The following ERBB2 variants were observed in gnomAD, a reference collection of about 807,000 sequenced individuals.
ERBB2 encodes the protein receptor tyrosine-protein kinase erbB-2.
In ERBB2, 61 loss-of-function variants were observed where a neutral mutation model predicts 149.0. The ratio of observed to expected loss-of-function variants is 0.41; its 90% CI spans 0.33 to 0.51. The LOEUF (loss-of-function observed/expected upper bound fraction) is 0.51. ERBB2 is among the 20% of genes least tolerant of loss of function. The pLI is 0.25. For synonymous variants in ERBB2, 633 were observed against 678.8 expected, an observed-to-expected ratio of 0.93 and a Z score of 1.05; for missense variants, 1,205 against 1,655.1, an observed-to-expected ratio of 0.73 and a Z score of 4.72.
chr17:39,696,141 G>A (rs1361566307), upstream of ERBB2, among the ~76,000 whole-genome samples: 2 of 152,208 alleles, frequency 1.3e-5, no homozygotes, highest in Admixed American at 1.3e-4. Context: ...GGACAGTTAA[G>A]GAGGAAATCG....
At chr17:39,707,191 C>T (rs763250146) in intron 2 of ERBB2, 50 bp downstream of exon 2, 2 of 1,473,384 alleles carry the variant, frequency 1.4e-6, no homozygotes, top group South Asian at 1.4e-5. Context: ...CTGGGCTGAG[C>T]CCTCTGTTTA....
At position 39,700,171 on chromosome 17, in the gene ERBB2, A is replaced by G. The variant is rs2057998556; in HGVS notation, c.-68A>G. 7.4e-7 allele frequency: 1 copy of G among 1,342,730 alleles called. No homozygotes were observed. The highest frequency in any genetic ancestry group is 9.5e-7 in the Non-Finnish European group (1 of 1,054,516). The allele number at this position is 1,342,730 out of a possible 1,614,324, so 83.2% of individuals were successfully genotyped here. A position where few individuals can be genotyped will look rare whatever the true frequency, so the allele number is the denominator to read the frequency against. On this transcript the variant is annotated 5_prime_UTR_variant, in exon 1 of 27. Transcript: ENST00000269571. ...GCGCCCGGCCCCCACCCCTCGCAGC[A>G]CCCCGCGCCCCGCGCCCTCCCAGCC...
In ERBB2 at chr17:39,712,340, T is replaced by C. The variant is rs746686273; in HGVS notation, c.1040T>C (p.Met347Thr). Residue 347 changes from methionine (M) to threonine (T), a missense_variant, in exon 9 of 27, where the codon ATG becomes ACG. Transcript: ENST00000269571. ...PCARVCYGLG[M>T]EHLREVRAVT... ...TCCTCAGTGTGCTATGGTCTGGGCA[T>C]GGAGCACTTGCGAGAGGTGAGGGCA... The C allele has an allele frequency of 1.3e-6, 2 of 1,551,718 alleles. No individual in the cohort carries two copies. The highest frequency in any genetic ancestry group is 1.1e-5 in the South Asian group (1 of 89,898).
At position 39,712,352 on chromosome 17, in the gene ERBB2, G is replaced by A. The variant is rs775972596; in HGVS notation, c.1052G>A (p.Arg351Gln). The A allele has an allele frequency of 7.4e-6, 12 of 1,613,828 alleles. No individual in the cohort carries two copies. The highest frequency in any genetic ancestry group is 2.2e-5 in the East Asian group (1 of 44,886). The change falls in exon 9 of 27, where the codon CGA (arginine) becomes CAA (glutamine). Residue 351 changes from arginine to glutamine, a missense_variant. Arg to Gln is a conservative substitution (Grantham distance 43). Coordinates refer to ENST00000269571, the MANE Select transcript of ERBB2 (RefSeq NM_004448.4). ...VCYGLGMEHL[R>Q]EVRAVTSANI... is the part of the protein sequence containing the mutation. ...TATGGTCTGGGCATGGAGCACTTGC[G>A]AGAGGTGAGGGCAGTTACCAGTGCC... is the stretch of plus-strand genomic sequence containing the variant.
At position 39,710,181 on chromosome 17, in the gene ERBB2, C is replaced by A. The variant is rs2145506126; in HGVS notation, c.739C>A (p.Pro247Thr). 6.2e-7 allele frequency: 1 copy of A among 1,612,886 alleles called. No homozygotes were observed. The highest frequency in any genetic ancestry group is 8.5e-7 in the Non-Finnish European group (1 of 1,179,660). Residue 247 changes from proline (P) to threonine (T), a missense_variant, in exon 6 of 27, where the codon CCC becomes ACC. Physicochemically the swap from Pro to Thr is conservative, Grantham distance 38. Around this residue, in one of 6 missense-constraint regions of ERBB2, gnomAD observed 569 missense variants for 803.5 expected, o/e 0.71. Coordinates refer to ENST00000269571, the MANE Select transcript of ERBB2 (RefSeq NM_004448.4). ...HEQCAAGCTG[P>T]KHSDCLACLH... ...GCAGTGTGCTGCCGGCTGCACGGGC[C>A]CCAAGCACTCTGACTGCCTGGTATG...
chr17:39,719,935 C>A, intron 16 of ERBB2, 101 bp downstream of exon 16: 2 of 1,084,408 alleles, frequency 1.8e-6, no homozygotes, highest in Non-Finnish European at 2.8e-6. Context: ...ACATATGTCC[C>A]TTCCCACCCA....
chr17:39,694,364 A>G (rs2057813632), upstream of ERBB2, among the ~76,000 whole-genome samples: 1 of 138,340 alleles, frequency 7.2e-6, no homozygotes. Context: ...AATAATAATA[A>G]AACATTTACT....
chr17:39,720,541 C>T (rs1164972537), intron 16 of ERBB2, among the ~76,000 whole-genome samples: 1 of 152,190 alleles, frequency 6.6e-6, no homozygotes, highest in Non-Finnish European at 1.5e-5. Context: ...GCATGTGTTA[C>T]AGGCTTGGTA....
At chr17:39,721,920 AT>A (rs2059474773) in intron 16 of ERBB2, among the ~76,000 whole-genome samples, 1 of 151,766 alleles carries the variant, frequency 6.6e-6, no homozygotes. Context: ...TTATTTATTT[AT>A]TTATTATTTA....
In ERBB2 at chr17:39,723,312, C is replaced by T. The variant is rs1281122418; in HGVS notation, c.1947-7C>T. ...CCTCAATCCCTGACCCTGGCTTCCGCCCCCAGCCCTCTGACGTCCATCATC... is the reference window on the plus strand; with the variant it reads ...CCTCAATCCCTGACCCTGGCTTCCGTCCCCAGCCCTCTGACGTCCATCATC... On this transcript the variant is annotated splice_region_variant and splice_polypyrimidine_tract_variant and intron_variant, in intron 16 of 26. Transcript: ENST00000269571. This position sits in a 1 kb window ranked among gnomAD's most constrained non-coding sequence, Gnocchi z 6.2. The T allele has an allele frequency of 1.9e-6, 3 of 1,613,558 alleles. No homozygotes were observed. Among genetic ancestry groups the T allele is most frequent in the Non-Finnish European group, 2.5e-6 (3 of 1,179,670 alleles).
chr17:39,727,354 T>C lies in ERBB2; in HGVS notation c.3219T>C (p.Ser1073=). The change falls in exon 26 of 27, where the codon TCT becomes TCC. Residue 1073 remains serine, a synonymous_variant. Transcript: ENST00000269571. This position sits in a 1 kb window ranked among gnomAD's most constrained non-coding sequence, Gnocchi z 4.3. ...CCTCTGAAGAGGAGGCCCCCAGGTC[T>C]CCACTGGCACCCTCCGAAGGGGCTG... is the stretch of plus-strand genomic sequence containing the variant. ...LEPSEEEAPR[S]PLAPSEGAGS... 1 of 1,612,038 alleles carries C rather than the reference T, an allele frequency of 6.2e-7. No homozygotes were observed. The highest frequency in any genetic ancestry group is 8.5e-7 in the Non-Finnish European group (1 of 1,179,368).
chr17:39,708,078 A>AG, intron 2 of ERBB2: 1 of 455,500 alleles, frequency 2.2e-6, no homozygotes, highest in Non-Finnish European at 3.9e-6. Flanking sequence ...CAGAGAGGGC[A>AG]GGGCACCTGT....
At chr17:39,691,473 G>A (rs2057693547), upstream of ERBB2, among the ~76,000 whole-genome samples, 2 of 150,712 alleles carry the variant, frequency 1.3e-5, no homozygotes, top group South Asian at 4.2e-4. Context: ...GAACCAGGGA[G>A]TTGGAGGTTG....
upstream of ERBB2, among the ~76,000 whole-genome samples, chr17:39,695,453 G>A: frequency 6.6e-6 from 1 of 152,076 alleles, no homozygotes; most frequent in East Asian, 1.9e-4. Context: ...AAGCTTCTAA[G>A]TTATCCTCCT....
chr17:39,723,374 G>A lies in ERBB2; in HGVS notation c.2002G>A (p.Gly668Arg), dbSNP rs372616729. 1 of 1,614,158 alleles carries A rather than the reference G, an allele frequency of 6.2e-7. No individual in the cohort carries two copies. The highest frequency in any genetic ancestry group is 8.5e-7 in the Non-Finnish European group (1 of 1,180,032). The change falls in exon 17 of 27, where the codon GGG (glycine) becomes AGG (arginine). Residue 668 changes from glycine to arginine, a missense_variant. Gly to Arg is a moderately radical substitution (Grantham distance 125, BLOSUM62 -2). Around this residue, in one of 6 missense-constraint regions of ERBB2, gnomAD observed 569 missense variants for 803.5 expected, o/e 0.71. Transcript: ENST00000269571. This position sits in a 1 kb window ranked among gnomAD's most constrained non-coding sequence, Gnocchi z 6.2. ...VVGILLVVVL[G>R]VVFGILIKRR... ...TGGCATTCTGCTGGTCGTGGTCTTG[G>A]GGGTGGTCTTTGGGATCCTCATCAA...
At chr17:39,719,937 TC>T in intron 16 of ERBB2, 103 bp downstream of exon 16, 1 of 1,042,572 alleles carries the variant, frequency 9.6e-7, no homozygotes, top group Non-Finnish European at 1.5e-6. Context: ...ATATGTCCCT[TC>T]CCACCCACTC....
upstream of ERBB2, among the ~76,000 whole-genome samples, chr17:39,697,559 T>C (rs1466929436): frequency 5.3e-5 from 8 of 151,964 alleles, no homozygotes; most frequent in Non-Finnish European, 1.2e-4. Flanking sequence ...TTTCTCCATG[T>C]TGGTCAGGCT....
Position 39,700,219 on chromosome 17 carries a change from C to A in ERBB2, c.-20C>A. 7.0e-7 allele frequency: 1 copy of A among 1,437,606 alleles called. No individual in the cohort carries two copies. 89.1% of individuals were successfully genotyped at this position (1,437,606 alleles called of 1,614,324 possible). Reference sequence around the variant, plus strand: ...GCCGGGTCCAGCCGGAGCCATGGGGCCGGAGCCGCAGTGAGCACCATGGAG... The same window carrying A: ...GCCGGGTCCAGCCGGAGCCATGGGGACGGAGCCGCAGTGAGCACCATGGAG... On this transcript the variant is annotated 5_prime_UTR_variant, in exon 1 of 27. Coordinates refer to ENST00000269571, the MANE Select transcript of ERBB2 (RefSeq NM_004448.4).
At position 39,723,524 on chromosome 17, in the gene ERBB2, C is replaced by G. The variant is rs2145810955; in HGVS notation, c.2086-14C>G. Reference sequence around the variant, plus strand: ...ACCGGCCCCCGGCACTGACCCACCACCCCCTCACCCCAGCTGGTGGAGCCG... The same window carrying G: ...ACCGGCCCCCGGCACTGACCCACCAGCCCCTCACCCCAGCTGGTGGAGCCG... On this transcript the variant is annotated splice_polypyrimidine_tract_variant and intron_variant, in intron 17 of 26. Coordinates refer to ENST00000269571, the MANE Select transcript of ERBB2 (RefSeq NM_004448.4). This position sits in a 1 kb window ranked among gnomAD's most constrained non-coding sequence, Gnocchi z 6.2. The G allele has an allele frequency of 1.2e-6, 2 of 1,612,398 alleles. No individual in the cohort carries two copies. The highest frequency in any genetic ancestry group is 1.7e-6 in the Non-Finnish European group (2 of 1,179,130).
Sources: gnomAD v4.1 joint callset for allele counts (sites outside exome capture counted in the v4.1 genomes callset) on GRCh38, gnomAD v4.1.1 for gene constraint, gnomAD v4.1.1 regional missense constraint, Gnocchi (gnomAD v3.1) non-coding constraint, MANE v1.5 for transcripts, NCBI Gene and HGNC (gene_info 2026-07-23, HGNC 2026-07-21) for gene names.